WWP2: variants seen among roughly 807,000 people sequenced by gnomAD.
The protein encoded by WWP2 is NEDD4-like E3 ubiquitin-protein ligase WWP2.
A neutral mutation model predicts 121.0 loss-of-function variants in WWP2; 57 were observed. The observed-to-expected ratio is 0.47, with a 90% CI of 0.38 to 0.59. The LOEUF (loss-of-function observed/expected upper bound fraction) is 0.59. Ranked by LOEUF, WWP2 falls within the 20% of genes least tolerant of loss-of-function variation. The pLI, the probability that WWP2 is intolerant of heterozygous loss-of-function variation, is 0.00. For synonymous variants in WWP2, 449 were observed against 441.3 expected (o/e 1.02, Z -0.22); for missense variants, 962 against 1,158.9 (o/e 0.83, Z 2.47).
intron 7 of WWP2, among the ~76,000 whole-genome samples, chr16:69,884,545 T>A (rs956605764): frequency 2.0e-5 from 3 of 152,310 alleles, no homozygotes; most frequent in Admixed American, 2.0e-4. Context: ...AGGGGATTGC[T>A]TGAGCCTGGG....
At chr16:69,855,215 C>T (rs1007707591) in intron 6 of WWP2, among the ~76,000 whole-genome samples, 2 of 152,246 alleles carry the variant, frequency 1.3e-5, no homozygotes, top group Admixed American at 6.5e-5. Flanking sequence ...TTCTGCTTCA[C>T]ATGTACTGGG....
chr16:69,917,438 T>C, intron 9 of WWP2: 1 of 372,324 alleles, frequency 2.7e-6, no homozygotes, highest in Non-Finnish European at 4.9e-6. Context: ...ACATGTGCAC[T>C]TCTGGTCCAG....
In WWP2 at chr16:69,831,378, T is replaced by C. The variant is rs1392690228; in HGVS notation, c.341-8748T>C. Among the ~76,000 whole-genome samples, 5 of 152,302 alleles carry C rather than the reference T, an allele frequency of 3.3e-5. No individual in the cohort carries two copies. The East Asian group carries it at 7.7e-4, about 23-fold the overall frequency. On this transcript the variant is annotated intron_variant, in intron 4 of 23. Coordinates refer to ENST00000359154, the MANE Select transcript of WWP2 (RefSeq NM_001270454.2). ...CTTTCGTACATTTGCTGTGAAACTC[T>C]CCAGGCAAGAGTTCTGGATTTTGTA...
At chr16:69,924,899 G>A in intron 10 of WWP2, 1 of 985,218 alleles carries the variant, frequency 1.0e-6, no homozygotes, top group Non-Finnish European at 1.2e-6. Flanking sequence ...CGCCGAGGTG[G>A]AGGGAGGAGG....
chr16:69,934,617 A>G (rs1376511202), intron 17 of WWP2, among the ~76,000 whole-genome samples: 1 of 152,084 alleles, frequency 6.6e-6, no homozygotes, highest in East Asian at 1.9e-4. Flanking sequence ...CTGTCACGGC[A>G]TTTGGGAATG....
chr16:69,840,407 T>C (rs1379250854), intron 5 of WWP2, 144 bp downstream of exon 5: 3 of 1,028,682 alleles, frequency 2.9e-6, no homozygotes, highest in Non-Finnish European at 4.2e-6. Context: ...CGGACTCTTC[T>C]TAGCTCCGTG....
In WWP2 at chr16:69,937,195, C is replaced by T. The variant is rs768209450; in HGVS notation, c.2195C>T (p.Ala732Val). Residue 732 changes from alanine (A) to valine (V), a missense_variant, in exon 20 of 24, where the codon GCC becomes GTC. By Grantham distance (64) the Ala-to-Val change is moderately conservative. Transcript: ENST00000359154. This position sits in a 1 kb window ranked among gnomAD's most constrained non-coding sequence, Gnocchi z 6.6. Reference protein sequence around the residue: ...KAFLDGFNEVAPLEWLRYFDE... With the variant: ...KAFLDGFNEVVPLEWLRYFDE... Reference sequence around the variant, plus strand: ...TTCCTGGATGGCTTCAACGAGGTGGCCCCGCTGGAGTGGCTGCGCTACTTT... The same window carrying T: ...TTCCTGGATGGCTTCAACGAGGTGGTCCCGCTGGAGTGGCTGCGCTACTTT... The T allele has an allele frequency of 9.3e-6, 15 of 1,613,900 alleles. No individual in the cohort carries two copies. The highest frequency in any genetic ancestry group is 1.2e-5 in the Non-Finnish European group (14 of 1,179,998).
At chr16:69,912,918 CAAA>C in intron 9 of WWP2, among the ~76,000 whole-genome samples, 1 of 31,790 alleles carries the variant, frequency 3.1e-5, no homozygotes, top group Non-Finnish European at 5.6e-5. Flanking sequence ...CCAGTCTCTA[CAAA>C]ACAAAAAAAA....
intron 7 of WWP2, among the ~76,000 whole-genome samples, chr16:69,876,537 G>A (rs1265803911): frequency 3.3e-5 from 5 of 151,674 alleles, no homozygotes; most frequent in African/African-American, 1.2e-4. Context: ...GCTAATTTTT[G>A]TATTTTAGTA....
intron 6 of WWP2, among the ~76,000 whole-genome samples, chr16:69,842,752 C>T (rs1239373689): frequency 6.6e-6 from 1 of 152,146 alleles, no homozygotes; most frequent in African/African-American, 2.4e-5. Flanking sequence ...TCATAGCAGC[C>T]TTGACCTCCT....
chr16:69,935,154 T>C lies in WWP2; in HGVS notation c.1843-699T>C, dbSNP rs1199092410. ...CGGGAGCCACATGCATAGCTGGAGA[T>C]GTTTCAATTCTCCTTTCCTTCGCTT... On this transcript the variant is annotated intron_variant, in intron 17 of 23. Coordinates refer to ENST00000359154, the MANE Select transcript of WWP2 (RefSeq NM_001270454.2). This position sits in a 1 kb window ranked among gnomAD's most constrained non-coding sequence, Gnocchi z 5.2. Among the ~76,000 whole-genome samples, 2 of 152,114 alleles carry C rather than the reference T, an allele frequency of 1.3e-5. No individual in the cohort carries two copies. The highest frequency in any genetic ancestry group is 2.4e-5 in the African/African-American group (1 of 41,424).
intron 6 of WWP2, among the ~76,000 whole-genome samples, chr16:69,855,824 G>T (rs920718025): frequency 6.6e-6 from 1 of 152,240 alleles, no homozygotes; most frequent in Admixed American, 6.5e-5. Context: ...CTGGTAAAGG[G>T]TGGTGCCAGA....
intron 2 of WWP2, among the ~76,000 whole-genome samples, chr16:69,792,030 G>A (rs759718067): frequency 6.6e-6 from 1 of 151,968 alleles, no homozygotes; most frequent in Non-Finnish European, 1.5e-5. Context: ...ATGGTGGGGG[G>A]AAAGAGAAAG....
At chr16:69,868,305 A>G (rs2057565381) in intron 6 of WWP2, among the ~76,000 whole-genome samples, 1 of 152,118 alleles carries the variant, frequency 6.6e-6, no homozygotes, top group African/African-American at 2.4e-5. Context: ...AGCCGCTATC[A>G]TTAGTGGTTA....
At chr16:69,899,220 A>G (rs1275428821) in intron 8 of WWP2, among the ~76,000 whole-genome samples, 1 of 152,030 alleles carries the variant, frequency 6.6e-6, no homozygotes, top group East Asian at 1.9e-4. Context: ...TTACATAAAA[A>G]TGTTACAGGC....
At chr16:69,910,173 A>G in intron 9 of WWP2, 1 of 223,712 alleles carries the variant, frequency 4.5e-6, no homozygotes, top group Non-Finnish European at 7.5e-6. Flanking sequence ...GCAAATCCCA[A>G]ATGTCACATC....
chr16:69,880,578 C>T (rs767525846), intron 7 of WWP2, among the ~76,000 whole-genome samples: 3 of 152,118 alleles, frequency 2.0e-5, no homozygotes, highest in Non-Finnish European at 1.5e-5. Flanking sequence ...AGTATGGCTT[C>T]GTCCATTTTT....
chr16:69,798,623 A>AG lies in WWP2; in HGVS notation c.71-53dup, dbSNP rs2056097506. ...TAAAAAGAGCCGGAACATCTGCCAC[A>AG]GGGGGGCATCTGGGAGCCCTGGGAC... On this transcript the variant is annotated intron_variant, in intron 2 of 23. Transcript: ENST00000359154. 6 of 1,547,310 alleles carry AG rather than the reference A, an allele frequency of 3.9e-6. No homozygotes were observed. In the South Asian group the frequency reaches 4.8e-5, roughly 13 times the overall value.
chr16:69,909,771 A>G lies in WWP2; in HGVS notation c.1004+921A>G. On this transcript the variant is annotated intron_variant, in intron 9 of 23. Transcript: ENST00000359154. ...TTATGAAAATTATGAAAATGTTCTT[A>G]TTATTATGGAAAATTTCAAATAGAT... 3.4e-6 allele frequency: 3 copies of G among 889,676 alleles called. No individual in the cohort carries two copies. In the South Asian group the frequency reaches 1.6e-4, roughly 46 times the overall value. 55.1% of individuals were successfully genotyped at this position (889,676 alleles called of 1,614,324 possible).
Sources: allele counts gnomAD v4.1 joint callset (sites outside exome capture counted in the v4.1 genomes callset), GRCh38; gene constraint gnomAD v4.1.1; non-coding constraint Gnocchi (gnomAD v3.1); transcripts MANE v1.5; gene names NCBI Gene and HGNC (gene_info 2026-07-23, HGNC 2026-07-21).